The following FREM2 variants were observed in gnomAD, a reference collection of about 807,000 sequenced individuals.
The protein encoded by FREM2 is FRAS1-related extracellular matrix protein 2.
FREM2 carries 119 observed loss-of-function variants against 219.9 expected under a neutral mutation model. The observed-to-expected ratio is 0.54, with a 90% CI of 0.47 to 0.63. The LOEUF is 0.63. Among genes scored for constraint, FREM2 ranks in the 30% least tolerant of loss-of-function variants. The probability of loss-of-function intolerance (pLI) is 0.00; values close to 1 mark genes in which losing one functional copy is unlikely to be tolerated. For synonymous variants in FREM2, 1,562 were observed against 1,522.8 expected (o/e 1.03, Z -0.60); for missense variants, 4,030 against 3,993.6 (o/e 1.01, Z -0.25).
chr13:38,792,761 T>G (rs759097834), intron 6 of FREM2, among the ~76,000 whole-genome samples: 2 of 109,364 alleles, frequency 1.8e-5, no homozygotes, highest in African/African-American at 3.2e-5. Context: ...TGCAAAGCAC[T>G]TTGATTTGGG....
chr13:38,733,726 T>C (rs1593373014), intron 2 of FREM2, among the ~76,000 whole-genome samples: 1 of 152,352 alleles, frequency 6.6e-6, no homozygotes, highest in Admixed American at 6.5e-5. Context: ...CAGGCTGGTC[T>C]TGAGCCCCTG....
intron 6 of FREM2, among the ~76,000 whole-genome samples, chr13:38,815,087 T>TGGCTCTTGTGGTGGTGCTTTTC (rs1875712308): frequency 6.6e-6 from 1 of 152,184 alleles, no homozygotes; most frequent in Non-Finnish European, 1.5e-5. Context: ...TGCTGATTTT[T>TGGCTCTTGTGGTGGTGCTTTTC]GGCTCTTGTG....
chr13:38,735,237 T>A (rs1871942273), intron 2 of FREM2, among the ~76,000 whole-genome samples: 1 of 152,212 alleles, frequency 6.6e-6, no homozygotes, highest in Admixed American at 6.5e-5. Flanking sequence ...TGATTAGAAA[T>A]TGAATTTCAC....
At chr13:38,819,999 A>G (rs1566154047) in intron 6 of FREM2, among the ~76,000 whole-genome samples, 1 of 152,166 alleles carries the variant, frequency 6.6e-6, no homozygotes, top group South Asian at 2.1e-4. Context: ...AACAAGCTAT[A>G]TATACTTTTA....
intron 20 of FREM2, 32 bp downstream of exon 20, chr13:38,876,414 T>G: frequency 6.3e-7 from 1 of 1,592,742 alleles, no homozygotes; most frequent in Non-Finnish European, 8.6e-7. Context: ...TCTTATGACT[T>G]GCAGAATCCC....
chr13:38,744,922 T>A (rs1180376427), intron 2 of FREM2, among the ~76,000 whole-genome samples: 1 of 152,250 alleles, frequency 6.6e-6, no homozygotes, highest in Non-Finnish European at 1.5e-5. Context: ...TAACAAATAA[T>A]TGAATCCATT....
intron 6 of FREM2, among the ~76,000 whole-genome samples, chr13:38,826,398 C>T (rs964160680): frequency 6.6e-6 from 1 of 151,942 alleles, no homozygotes. Context: ...TTTTTTTCCA[C>T]GTACAACAAC....
chr13:38,690,098 C>T lies in FREM2; in HGVS notation c.2754C>T (p.Val918=), dbSNP rs140353326. Residue 918 remains valine (V), a synonymous_variant, in exon 1 of 24, where the codon GTC becomes GTT. Coordinates refer to ENST00000280481, the MANE Select transcript of FREM2 (RefSeq NM_207361.6). ...KSLTDSCSLE[V]SDRHHVVPIT... is the part of the protein sequence containing the mutation. ...TGACTGATAGCTGCTCCTTGGAAGT[C>T]AGTGACAGACATCATGTGGTGCCCA... 133 of 1,614,076 alleles carry T rather than the reference C, an allele frequency of 8.2e-5. No individual in the cohort carries two copies. The African/African-American group carries it at 1.6e-3, about 19-fold the overall frequency.
rs1184958401 is a variant in FREM2, at chr13:38,840,644, A to ATATATATATATATATATATGTGTG, written c.6020-5928_6020-5927insATATATATATATATATATGTGTGT. ...AACTAAAATATATATATATATATAT[A>ATATATATATATATATATATGTGTG]TGTGTATGTATATATATACACACAC... On this transcript the variant is annotated intron_variant, in intron 6 of 23. Transcript: ENST00000280481. Among the ~76,000 whole-genome samples the ATATATATATATATATATATGTGTG allele has an allele frequency of 1.4e-4, 19 of 134,318 alleles. No homozygotes were observed. In the South Asian group the frequency reaches 1.9e-3, roughly 13 times the overall value. 88.1% of individuals were successfully genotyped at this position (134,318 alleles called of 152,430 possible).
Position 38,688,759 on chromosome 13 carries a change from A to T in FREM2, c.1415A>T (p.Asp472Val). 6.2e-7 allele frequency: 1 copy of T among 1,614,048 alleles called. No individual in the cohort carries two copies. Among genetic ancestry groups the T allele is most frequent in the Non-Finnish European group, 8.5e-7 (1 of 1,179,964 alleles). Residue 472 changes from aspartate (D) to valine (V), a missense_variant, in exon 1 of 24, where the codon GAT (aspartate) becomes GTT (valine). Asp to Val is a radical substitution (Grantham distance 152). This residue lies in a region of FREM2 where 3,102 missense variants were observed against 2,950.7 expected (regional missense o/e 1.05). Transcript: ENST00000280481. Reference sequence around the variant, plus strand: ...GGTCCGCAAAACTTGGTCATCAGCGATGAGGATGACCTAGAAGCAGTGCGG... The same window carrying T: ...GGTCCGCAAAACTTGGTCATCAGCGTTGAGGATGACCTAGAAGCAGTGCGG... Reference protein sequence around the residue: ...GSGPQNLVISDEDDLEAVRLE... With the variant: ...GSGPQNLVISVEDDLEAVRLE...
chr13:38,862,943 A>G (rs867820156), intron 15 of FREM2, among the ~76,000 whole-genome samples: 1 of 152,178 alleles, frequency 6.6e-6, no homozygotes, highest in Non-Finnish European at 1.5e-5. Flanking sequence ...TGAACAGTCA[A>G]CAGAGACCTC....
intron 4 of FREM2, among the ~76,000 whole-genome samples, chr13:38,774,206 T>G (rs1391557587): frequency 1.3e-5 from 2 of 152,112 alleles, no homozygotes; most frequent in African/African-American, 4.8e-5. Flanking sequence ...CTCTTCTCTT[T>G]TCTCTTTCTA....
chr13:38,722,134 C>A (rs1034452515), intron 2 of FREM2, among the ~76,000 whole-genome samples: 1 of 152,044 alleles, frequency 6.6e-6, no homozygotes, highest in Non-Finnish European at 1.5e-5. Context: ...ATCTTCCTGC[C>A]TCCGCCTCCC....
intron 2 of FREM2, among the ~76,000 whole-genome samples, chr13:38,719,540 G>A (rs1871142291): frequency 6.6e-6 from 1 of 152,134 alleles, no homozygotes; most frequent in Admixed American, 6.5e-5. Context: ...TCATCTTTAA[G>A]TCTCTCTCTG....
At chr13:38,768,260 C>T (rs1298145204) in intron 3 of FREM2, among the ~76,000 whole-genome samples, 4 of 151,984 alleles carry the variant, frequency 2.6e-5, no homozygotes, top group Admixed American at 1.3e-4. Context: ...ATTTTTCCCT[C>T]TTTTATTTAT....
At chr13:38,803,403 G>A (rs544444347) in intron 6 of FREM2, among the ~76,000 whole-genome samples, 4 of 152,136 alleles carry the variant, frequency 2.6e-5, no homozygotes, top group East Asian at 1.9e-4. Flanking sequence ...CCTGTGTCGC[G>A]TCTTTAAGAC....
chr13:38,782,203 G>C (rs187923665), intron 4 of FREM2, among the ~76,000 whole-genome samples: 4 of 152,284 alleles, frequency 2.6e-5, no homozygotes, highest in Admixed American at 2.6e-4. Context: ...ATCATGAAGT[G>C]TTTTCTGTGT....
intron 2 of FREM2, among the ~76,000 whole-genome samples, chr13:38,727,001 A>G (rs1871554880): frequency 1.3e-5 from 2 of 152,210 alleles, no homozygotes; most frequent in South Asian, 4.1e-4. Context: ...CAAGCCTGAC[A>G]AACTAAAATT....
At chr13:38,784,517 T>C in intron 5 of FREM2, 40 bp from the exon 6 acceptor site, 1 of 1,610,384 alleles carries the variant, frequency 6.2e-7, no homozygotes. Flanking sequence ...CTTTGTCTTA[T>C]GTTCTACATA....
Sources: allele counts gnomAD v4.1 joint callset (sites outside exome capture counted in the v4.1 genomes callset), GRCh38; gene constraint gnomAD v4.1.1; regional missense constraint gnomAD v4.1.1; transcripts MANE v1.5; gene names NCBI Gene and HGNC (gene_info 2026-07-23, HGNC 2026-07-21).